FCHSD2: variants seen among roughly 807,000 people sequenced by gnomAD.
FCHSD2 encodes the protein FCH and double SH3 domains 2.
In FCHSD2, 38 loss-of-function variants were observed where a neutral mutation model predicts 108.1. That is an observed-to-expected ratio of 0.35 (90% CI 0.27 to 0.46). The LOEUF (loss-of-function observed/expected upper bound fraction) is 0.46. Ranked by LOEUF, FCHSD2 falls within the 20% of genes least tolerant of loss-of-function variation. The pLI is 1.00. For missense variants in FCHSD2, 751 were observed against 897.8 expected, an observed-to-expected ratio of 0.84 and a Z score of 2.09; for synonymous variants, 279 against 314.7, an observed-to-expected ratio of 0.89 and a Z score of 1.20.
chr11:72,920,681 T>C (rs1034118316), intron 9 of FCHSD2, among the ~76,000 whole-genome samples: 1 of 152,208 alleles, frequency 6.6e-6, no homozygotes, highest in African/African-American at 2.4e-5. Context: ...CAACATTCTT[T>C]TCTGAAAAAT....
At position 73,070,748 on chromosome 11, in the gene FCHSD2, A is replaced by G. The variant is rs549102924; in HGVS notation, c.165+12947T>C. The stretch of plus-strand genomic sequence containing the variant: ...GCCTAAATGTCAAATTAAAAAAAAA[A>G]AAGAAATTGAACAAGTTATTAAGTG... On this transcript the variant is annotated intron_variant, in intron 3 of 19. Coordinates refer to ENST00000409418, the MANE Select transcript of FCHSD2 (RefSeq NM_014824.3). Among the ~76,000 whole-genome samples the G allele has an allele frequency of 1.1e-3, 170 of 152,100 alleles. 1 individual carries two copies. The highest frequency in any genetic ancestry group is 8.1e-3 in the South Asian group (39 of 4,810).
intron 8 of FCHSD2, among the ~76,000 whole-genome samples, chr11:72,951,036 A>G (rs1343383289): frequency 6.6e-6 from 1 of 152,176 alleles, no homozygotes; most frequent in Non-Finnish European, 1.5e-5. Context: ...AAATAAATCA[A>G]TGACACAGGT....
Position 73,141,934 on chromosome 11 carries a change from G to A in FCHSD2, c.-57C>T. Reference sequence around the variant, plus strand: ...GCAGCGTTAGCAAGGACCAGGAGGAGGAGGAGGGCCGGAGAGGAGGGGACG... The same window carrying A: ...GCAGCGTTAGCAAGGACCAGGAGGAAGAGGAGGGCCGGAGAGGAGGGGACG... On this transcript the variant is annotated 5_prime_UTR_variant, in exon 1 of 20. Coordinates refer to ENST00000409418, the MANE Select transcript of FCHSD2 (RefSeq NM_014824.3). The A allele has an allele frequency of 6.6e-7, 1 of 1,519,634 alleles. No individual in the cohort carries two copies. The highest frequency in any genetic ancestry group is 1.2e-5 in the South Asian group (1 of 83,064). The allele number at this position is 1,519,634 out of a possible 1,614,324, so 94.1% of individuals were successfully genotyped here.
At chr11:73,105,387 A>G (rs566418113) in intron 2 of FCHSD2, among the ~76,000 whole-genome samples, 2 of 152,302 alleles carry the variant, frequency 1.3e-5, no homozygotes, top group Admixed American at 1.3e-4. Context: ...TACACCCTCT[A>G]TATAAGACAC....
intron 8 of FCHSD2, among the ~76,000 whole-genome samples, chr11:72,960,521 C>T (rs1383911026): frequency 6.6e-6 from 1 of 152,192 alleles, no homozygotes; most frequent in East Asian, 1.9e-4. Flanking sequence ...ATGACAGTGA[C>T]TGATAATGGA....
intron 8 of FCHSD2, chr11:72,940,570 G>C (rs1024576644): frequency 8.3e-7 from 1 of 1,205,104 alleles, no homozygotes; most frequent in Non-Finnish European, 1.2e-6. Flanking sequence ...TCTTCTGAGA[G>C]TCAGCTGCTG....
At chr11:73,061,994 A>T (rs1859177251) in intron 3 of FCHSD2, among the ~76,000 whole-genome samples, 2 of 151,920 alleles carry the variant, frequency 1.3e-5, no homozygotes, top group African/African-American at 4.8e-5. Context: ...TGGGTCCCTG[A>T]CCCCTGTTCC....
chr11:73,068,171 T>C (rs1446231190), intron 3 of FCHSD2, among the ~76,000 whole-genome samples: 2 of 152,008 alleles, frequency 1.3e-5, no homozygotes, highest in South Asian at 2.1e-4. Context: ...GAGATTTGGG[T>C]GGGGGCACAG....
At chr11:73,117,149 T>C (rs201318726) in intron 2 of FCHSD2, among the ~76,000 whole-genome samples, 417 of 152,340 alleles carry the variant, frequency 2.7e-3, no homozygotes, top group African/African-American at 9.6e-3. Context: ...CTGGTACTTA[T>C]AACAAATACA....
At chr11:72,925,502 G>A (rs902146006) in intron 8 of FCHSD2, among the ~76,000 whole-genome samples, 1 of 151,946 alleles carries the variant, frequency 6.6e-6, no homozygotes, top group Non-Finnish European at 1.5e-5. Flanking sequence ...CCCCAGCCTG[G>A]GCAACAGAGC....
At chr11:73,067,493 GA>G (rs1356293412) in intron 3 of FCHSD2, among the ~76,000 whole-genome samples, 29 of 151,638 alleles carry the variant, frequency 1.9e-4, no homozygotes, top group Admixed American at 1.9e-3. Flanking sequence ...AAAAAAGAAA[GA>G]AAGAAAATAG....
chr11:73,134,446 G>A (rs1432797662), intron 2 of FCHSD2, among the ~76,000 whole-genome samples: 1 of 152,018 alleles, frequency 6.6e-6, no homozygotes, highest in African/African-American at 2.4e-5. Flanking sequence ...CTCCAGCTTG[G>A]GTGACAGGGC....
At chr11:73,052,206 A>T (rs1858917944) in intron 3 of FCHSD2, among the ~76,000 whole-genome samples, 1 of 152,222 alleles carries the variant, frequency 6.6e-6, no homozygotes, top group South Asian at 2.1e-4. Flanking sequence ...GCCAAACATA[A>T]CGATTTCTAA....
chr11:73,059,480 C>T (rs1859111322), intron 3 of FCHSD2, among the ~76,000 whole-genome samples: 1 of 152,152 alleles, frequency 6.6e-6, no homozygotes, highest in South Asian at 2.1e-4. Context: ...ACATAAATGT[C>T]AGATGTGACT....
At position 72,948,372 on chromosome 11, in the gene FCHSD2, T is replaced by C. The variant is rs543596392; in HGVS notation, c.706-26422A>G. Among the ~76,000 whole-genome samples the C allele has an allele frequency of 5.3e-5, 8 of 152,354 alleles. No homozygotes were observed. In the South Asian group the frequency reaches 1.7e-3, roughly 32 times the overall value. Reference sequence around the variant, plus strand: ...TTTCAATTACTTCAAAATTACTGAATGTTTCATTTTTCAACATTTTAGTTG... The same window carrying C: ...TTTCAATTACTTCAAAATTACTGAACGTTTCATTTTTCAACATTTTAGTTG... On this transcript the variant is annotated intron_variant, in intron 8 of 19. Transcript: ENST00000409418.
At chr11:72,984,975 A>T in intron 7 of FCHSD2, 87 bp downstream of exon 7, 1 of 629,344 alleles carries the variant, frequency 1.6e-6, no homozygotes, top group Non-Finnish European at 2.9e-6. Flanking sequence ...AGGTAGAAAT[A>T]ATCCACCTCC....
At chr11:73,081,638 T>C (rs1408439569) in intron 3 of FCHSD2, among the ~76,000 whole-genome samples, 1 of 152,022 alleles carries the variant, frequency 6.6e-6, no homozygotes, top group Non-Finnish European at 1.5e-5. Flanking sequence ...GCAACTCTCC[T>C]GCCTCAGCCT....
Position 72,989,361 on chromosome 11 carries a change from G to A in FCHSD2, c.388-264C>T, listed in dbSNP as rs559422905. 1.5e-4 allele frequency among the ~76,000 whole-genome samples: 23 copies of A among 152,252 alleles called. No homozygotes were observed. The East Asian group carries it at 2.7e-3, about 18-fold the overall frequency. ...AACCCGAGTGCTGCTGATGACTGAC[G>A]TTAAGGTAAGACATGGAAGAGCAAC... On this transcript the variant is annotated intron_variant, in intron 5 of 19. Transcript: ENST00000409418.
chr11:72,996,662 A>T (rs1857523819), intron 5 of FCHSD2, among the ~76,000 whole-genome samples: 1 of 152,252 alleles, frequency 6.6e-6, no homozygotes, highest in African/African-American at 2.4e-5. Context: ...AATCTTTAAA[A>T]AAACATGAAC....
Sources: gnomAD v4.1 joint callset for allele counts (sites outside exome capture counted in the v4.1 genomes callset) on GRCh38, gnomAD v4.1.1 for gene constraint, MANE v1.5 for transcripts, NCBI Gene and HGNC (gene_info 2026-07-23, HGNC 2026-07-21) for gene names.